PSAP: variants seen among roughly 807,000 people sequenced by gnomAD.
PSAP encodes precursor of saposins.
PSAP carries 25 observed loss-of-function variants against 66.0 expected under a neutral mutation model. The observed-to-expected ratio is 0.38, with a 90% CI of 0.28 to 0.53. PSAP has a LOEUF of 0.53. Among genes scored for constraint, PSAP ranks in the 20% least tolerant of loss-of-function variants. The probability of loss-of-function intolerance (pLI) is 0.83; values close to 1 mark genes in which losing one functional copy is unlikely to be tolerated. For synonymous variants in PSAP, 273 were observed against 258.9 expected, an observed-to-expected ratio of 1.05 and a Z score of -0.52; for missense variants, 649 against 668.8, an observed-to-expected ratio of 0.97 and a Z score of 0.33.
chr10:71,846,969 T>G (rs1049055961), intron 1 of PSAP, among the ~76,000 whole-genome samples: 1 of 152,120 alleles, frequency 6.6e-6, no homozygotes, highest in African/African-American at 2.4e-5. Context: ...GAGAACTTCC[T>G]AAGCATGCCT....
At position 71,820,249 on chromosome 10, in the gene PSAP, G is replaced by C. The variant is rs546727182; in HGVS notation, c.996C>G (p.Asn332Lys). 3.0e-5 allele frequency: 48 copies of C among 1,612,952 alleles called. No homozygotes were observed. The South Asian group carries it at 3.6e-4, about 12-fold the overall frequency. The change falls in exon 9 of 14, where the codon AAC becomes AAG. Residue 332 changes from asparagine (N) to lysine (K), a missense_variant. Physicochemically the swap from Asn to Lys is moderately conservative, Grantham distance 94. Coordinates refer to ENST00000394936, the MANE Select transcript of PSAP (RefSeq NM_002778.4). ...VKEVTKLIDNNKTEKEILDAF... is the reference protein window; with the variant it reads ...VKEVTKLIDNKKTEKEILDAF... The stretch of plus-strand genomic sequence containing the variant: ...CAGGAGGACAGCATACCTCAGTCTT[G>C]TTGTTGTCAATCAGCTTGGTCACCT...
chr10:71,823,953 A>G (rs1029578115), intron 7 of PSAP: 1 of 1,234,650 alleles, frequency 8.1e-7, no homozygotes, highest in East Asian at 5.6e-5. Context: ...GAAAGGACAC[A>G]ACAGTTAAGA....
chr10:71,835,981 A>G (rs56041351), intron 1 of PSAP, among the ~76,000 whole-genome samples: 71,660 of 151,934 alleles, frequency 0.47, 17,646 homozygotes, highest in Middle Eastern at 0.57. Flanking sequence ...TTCTTCCTCC[A>G]GGAGAGGGTA....
At chr10:71,839,927 A>T (rs1307182824) in intron 1 of PSAP, among the ~76,000 whole-genome samples, 1 of 152,184 alleles carries the variant, frequency 6.6e-6, no homozygotes, top group Non-Finnish European at 1.5e-5. Flanking sequence ...CCCAACTAAT[A>T]TACATACTTA....
At chr10:71,823,824 A>T (rs1842349428) in intron 7 of PSAP, 1 of 1,232,196 alleles carries the variant, frequency 8.1e-7, no homozygotes, top group Non-Finnish European at 1.1e-6. Context: ...CCCAAAAAAA[A>T]AAAAAGCAAA....
At chr10:71,842,487 A>G (rs997833223) in intron 1 of PSAP, among the ~76,000 whole-genome samples, 2 of 152,230 alleles carry the variant, frequency 1.3e-5, no homozygotes, top group South Asian at 4.1e-4. Context: ...AGCCCACGTA[A>G]ACACAAGCTC....
At chr10:71,822,570 T>C (rs894226559) in intron 7 of PSAP, 2 of 471,950 alleles carry the variant, frequency 4.2e-6, no homozygotes, top group Non-Finnish European at 4.4e-6. Flanking sequence ...GCCAAATGGA[T>C]GAATCATTTT....
Position 71,823,818 on chromosome 10 carries a change from AAAAAAAAAAAAGC to A in PSAP, c.778-1824_778-1812del. On this transcript the variant is annotated intron_variant, in intron 7 of 13. Coordinates refer to ENST00000394936, the MANE Select transcript of PSAP (RefSeq NM_002778.4). ...GTCAGAGCTAATCATGCCATACCCA[AAAAAAAAAAAAGC>A]AAAGTAACTAGAGGAAGCAGCAGAC... 24 of 994,160 alleles carry A rather than the reference AAAAAAAAAAAAGC, an allele frequency of 2.4e-5. No homozygotes were observed. The South Asian group carries it at 3.7e-4, about 15-fold the overall frequency. 61.6% of individuals were successfully genotyped at this position (994,160 alleles called of 1,614,324 possible).
chr10:71,850,347 T>C (rs1842904577), intron 1 of PSAP, among the ~76,000 whole-genome samples: 1 of 152,256 alleles, frequency 6.6e-6, no homozygotes. Context: ...TTGAATACTT[T>C]CTTTCTATTG....
rs1368097666 is a variant in PSAP at position 71,827,347 on chromosome 10, C to T, written c.720+667G>A. On this transcript the variant is annotated intron_variant, in intron 6 of 13. Coordinates refer to ENST00000394936, the MANE Select transcript of PSAP (RefSeq NM_002778.4). The stretch of plus-strand genomic sequence containing the variant: ...CCGGGAGGCGGAGCTTGCAGTGAGC[C>T]GAGATCGCGCCACTGCATTTCAGCC... Among the ~76,000 whole-genome samples the T allele has an allele frequency of 3.4e-5, 5 of 147,474 alleles. No individual in the cohort carries two copies. In the East Asian group the frequency reaches 8.0e-4, roughly 24 times the overall value.
At chr10:71,826,275 C>T (rs1349206437) in intron 6 of PSAP, among the ~76,000 whole-genome samples, 1 of 152,188 alleles carries the variant, frequency 6.6e-6, no homozygotes, top group African/African-American at 2.4e-5. Flanking sequence ...CCTTTCAAAG[C>T]CATTTACACA....
chr10:71,818,575 A>G, intron 13 of PSAP, 42 bp downstream of exon 13: 1 of 1,547,378 alleles, frequency 6.5e-7, no homozygotes, highest in South Asian at 1.1e-5. Flanking sequence ...AGGCTACCCC[A>G]GGGCAAGACA....
In PSAP at chr10:71,820,134, CAT is replaced by C. The variant is rs544197120; in HGVS notation, c.1005+104_1005+105del. On this transcript the variant is annotated intron_variant, in intron 9 of 13. Coordinates refer to ENST00000394936, the MANE Select transcript of PSAP (RefSeq NM_002778.4). ...CACGAGATGGGGACATGGCTGTACACATGTCAAGGCTGGGCCAAGCCCTCTCT... is the reference window on the plus strand; with the variant it reads ...CACGAGATGGGGACATGGCTGTACACGTCAAGGCTGGGCCAAGCCCTCTCT... 5.1e-5 allele frequency: 56 copies of C among 1,087,758 alleles called. No homozygotes were observed. In the African/African-American group the frequency reaches 6.6e-4, roughly 13 times the overall value. The allele number at this position is 1,087,758 out of a possible 1,614,324, so 67.4% of individuals were successfully genotyped here. A position where few individuals can be genotyped will look rare whatever the true frequency, so the allele number is the denominator to read the frequency against.
At chr10:71,825,956 CA>C in intron 6 of PSAP, 63 bp from the exon 7 acceptor site, 7 of 1,407,368 alleles carry the variant, frequency 5.0e-6, no homozygotes, top group Non-Finnish European at 7.0e-6. Context: ...ACCCAACCAA[CA>C]AAAACCCCCC....
intron 6 of PSAP, among the ~76,000 whole-genome samples, chr10:71,827,346 C>T (rs2133042312): frequency 6.6e-6 from 1 of 150,386 alleles, no homozygotes; most frequent in Non-Finnish European, 1.5e-5. Flanking sequence ...TTGCAGTGAG[C>T]CGAGATCGCG....
chr10:71,838,479 G>A (rs1241864086), intron 1 of PSAP, among the ~76,000 whole-genome samples: 1 of 152,254 alleles, frequency 6.6e-6, no homozygotes, highest in East Asian at 1.9e-4. Context: ...CCTTCCACCA[G>A]GGTGTGGAGC....
chr10:71,827,877 G>C (rs1242170091), intron 6 of PSAP, 137 bp downstream of exon 6: 9 of 1,209,114 alleles, frequency 7.4e-6, no homozygotes, highest in Non-Finnish European at 1.1e-5. Context: ...AACCAAAATA[G>C]ATTCAAGTCT....
At chr10:71,821,502 G>C (rs1842299673) in intron 8 of PSAP, among the ~76,000 whole-genome samples, 1 of 152,192 alleles carries the variant, frequency 6.6e-6, no homozygotes, top group South Asian at 2.1e-4. Context: ...TACACTCTGA[G>C]GGGTGTGCTG....
rs368085481 is a variant in PSAP, at chr10:71,819,733, C to T, written c.1173G>A (p.Thr391=). The T allele has an allele frequency of 8.1e-6, 13 of 1,614,104 alleles. No homozygotes were observed. The highest frequency in any genetic ancestry group is 2.2e-5 in the East Asian group (1 of 44,874). ...VCSMLHLCSG[T]RLPALTVHVT... is the part of the protein sequence containing the mutation. ...GCTCACCGGTCAGTGCAGGCAGCCG[C>T]GTGCCAGAGCAGAGGTGCAGCATGC... Residue 391 remains threonine (T), a synonymous_variant, in exon 10 of 14, where the codon ACG becomes ACA. Transcript: ENST00000394936.
Sources: gnomAD v4.1 joint callset for allele counts (sites outside exome capture counted in the v4.1 genomes callset) on GRCh38, gnomAD v4.1.1 for gene constraint, MANE v1.5 for transcripts, NCBI Gene and HGNC (gene_info 2026-07-23, HGNC 2026-07-21) for gene names.